The following GOLGA1 variants were observed in gnomAD, a reference collection of about 807,000 sequenced individuals.
GOLGA1 encodes golgin subfamily A member 1.
A neutral mutation model predicts 119.7 loss-of-function variants in GOLGA1; 63 were observed. That is an observed-to-expected ratio of 0.53 (90% CI 0.43 to 0.65). GOLGA1 has a LOEUF of 0.65. Among genes scored for constraint, GOLGA1 ranks in the 30% least tolerant of loss-of-function variants. The pLI is 0.00. For missense variants in GOLGA1, 798 were observed against 912.8 expected (o/e 0.87, Z 1.62); for synonymous variants, 318 against 333.4 (o/e 0.95, Z 0.50).
In GOLGA1 at chr9:124,888,020, T is replaced by G. The variant is rs1324823913; in HGVS notation, c.1905+233A>C. 6.6e-6 allele frequency among the ~76,000 whole-genome samples: 1 copy of G among 152,052 alleles called. No homozygotes were observed. ...ATGCAGGCTTGCAGCTGCCCAAGCC[T>G]GACACTTGTCCAGTTCTCCAGGGGG... On this transcript the variant is annotated intron_variant, in intron 19 of 22. Transcript: ENST00000373555. This position sits in a 1 kb window ranked among gnomAD's most constrained non-coding sequence, Gnocchi z 4.4.
intron 6 of GOLGA1, 61 bp downstream of exon 6, chr9:124,928,127 G>T (rs1325962722): frequency 4.2e-6 from 3 of 707,884 alleles, no homozygotes; most frequent in Admixed American, 2.7e-5. Flanking sequence ...CATGATTTTT[G>T]AAATCACGTC....
At chr9:124,911,144 T>C (rs1830332636) in intron 11 of GOLGA1, among the ~76,000 whole-genome samples, 1 of 152,206 alleles carries the variant, frequency 6.6e-6, no homozygotes, top group Admixed American at 6.5e-5. Context: ...AGGATCAGTT[T>C]GGCAGTGAGC....
At chr9:124,884,989 G>A (rs1829685129) in intron 19 of GOLGA1, among the ~76,000 whole-genome samples, 1 of 152,080 alleles carries the variant, frequency 6.6e-6, no homozygotes, top group Non-Finnish European at 1.5e-5. Flanking sequence ...AAGGTCAGGT[G>A]TTCCAGACCA....
At chr9:124,905,133 G>T (rs572580725) in intron 12 of GOLGA1, among the ~76,000 whole-genome samples, 2 of 147,720 alleles carry the variant, frequency 1.4e-5, no homozygotes, top group Admixed American at 6.8e-5. Context: ...GTGATACAGC[G>T]GGAGTCCATC....
chr9:124,927,847 G>A (rs1436998893), intron 6 of GOLGA1, among the ~76,000 whole-genome samples: 1 of 152,152 alleles, frequency 6.6e-6, no homozygotes, highest in East Asian at 1.9e-4. Flanking sequence ...AAAGGCAAAT[G>A]TTTGGGGGTT....
intron 12 of GOLGA1, among the ~76,000 whole-genome samples, chr9:124,901,715 A>G (rs145929337): frequency 2.6e-5 from 4 of 152,158 alleles, no homozygotes; most frequent in Admixed American, 6.5e-5. Flanking sequence ...AATTACAGGC[A>G]TGAGCCACCG....
chr9:124,911,503 G>C (rs1358981456), intron 11 of GOLGA1, among the ~76,000 whole-genome samples: 3 of 152,252 alleles, frequency 2.0e-5, no homozygotes, highest in Non-Finnish European at 2.9e-5. Flanking sequence ...TTGGGAAGGA[G>C]AGAATGCTGC....
chr9:124,947,379 T>C (rs1831162478), intron 1 of GOLGA1: 1 of 152,214 alleles, frequency 6.6e-6, no homozygotes, highest in African/African-American at 2.4e-5. Flanking sequence ...TTGCAGGTGA[T>C]TTTAAAGCTA....
chr9:124,881,727 A>G lies in GOLGA1; in HGVS notation c.2136+57T>C. On this transcript the variant is annotated intron_variant, in intron 21 of 22. Transcript: ENST00000373555. The surrounding 1 kb of genome is among the most constrained non-coding windows in gnomAD (Gnocchi z 4.9). ...AAAGGGGCTGGGCAGGGGTCCCTGCAGGACAGACTGTAGGGCGGGGCCTCA... is the reference window on the plus strand; with the variant it reads ...AAAGGGGCTGGGCAGGGGTCCCTGCGGGACAGACTGTAGGGCGGGGCCTCA... 1 of 1,212,734 alleles carries G rather than the reference A, an allele frequency of 8.2e-7. No homozygotes were observed. Among genetic ancestry groups the G allele is most frequent in the Non-Finnish European group, 1.2e-6 (1 of 842,810 alleles). The allele number at this position is 1,212,734 out of a possible 1,614,324, so 75.1% of individuals were successfully genotyped here.
intron 10 of GOLGA1, among the ~76,000 whole-genome samples, chr9:124,918,349 T>G (rs1156923694): frequency 6.6e-6 from 1 of 152,184 alleles, no homozygotes; most frequent in African/African-American, 2.4e-5. Flanking sequence ...GCCCAGCACA[T>G]AGTAAAGCTC....
Position 124,928,188 on chromosome 9 carries a change from C to T in GOLGA1, c.399G>A (p.Gln133=). The T allele has an allele frequency of 1.3e-6, 2 of 1,487,346 alleles. No individual in the cohort carries two copies. Among genetic ancestry groups the T allele is most frequent in the Non-Finnish European group, 1.9e-6 (2 of 1,069,004 alleles). The allele number at this position is 1,487,346 out of a possible 1,614,324, so 92.1% of individuals were successfully genotyped here. The change falls in exon 6 of 23, where the codon CAG becomes CAA. Residue 133 remains glutamine (Q), a splice_region_variant and synonymous_variant. Transcript: ENST00000373555. ...GLALALARKD[Q]EWSEKMDQLE... is the part of the protein sequence containing the mutation. Reference sequence around the variant, plus strand: ...CTGGGCAGTGCCACATATAAAATACCTGGTCCTTTCTGGCTAATGCCAAAG... The same window carrying T: ...CTGGGCAGTGCCACATATAAAATACTTGGTCCTTTCTGGCTAATGCCAAAG...
At position 124,931,109 on chromosome 9, in the gene GOLGA1, A is replaced by C. The variant is rs551896344; in HGVS notation, c.226+207T>G. Among the ~76,000 whole-genome samples, 6 of 152,266 alleles carry C rather than the reference A, an allele frequency of 3.9e-5. No individual in the cohort carries two copies. The South Asian group carries it at 1.0e-3, about 26-fold the overall frequency. ...GGCTAGAAACCTCAGGAGCAGAAAA[A>C]ATTTTTTAATAAACTTTCAAATTCA... is the stretch of plus-strand genomic sequence containing the variant. On this transcript the variant is annotated intron_variant, in intron 4 of 22. Coordinates refer to ENST00000373555, the MANE Select transcript of GOLGA1 (RefSeq NM_002077.4).
chr9:124,927,821 C>T (rs1350010242), intron 6 of GOLGA1, among the ~76,000 whole-genome samples: 1 of 152,172 alleles, frequency 6.6e-6, no homozygotes, highest in African/African-American at 2.4e-5. Flanking sequence ...AAGTTAATAA[C>T]ATCTTCTCCA....
At chr9:124,896,280 G>C (rs1829985410) in intron 15 of GOLGA1, among the ~76,000 whole-genome samples, 1 of 152,158 alleles carries the variant, frequency 6.6e-6, no homozygotes, top group South Asian at 2.1e-4. Flanking sequence ...CAGGCATGGT[G>C]GCACGTGCCT....
chr9:124,938,742 C>G lies in GOLGA1; in HGVS notation c.-31G>C, dbSNP rs768941334. The G allele has an allele frequency of 1.9e-6, 3 of 1,598,590 alleles. No individual in the cohort carries two copies. On this transcript the variant is annotated 5_prime_UTR_variant, in exon 3 of 23. Transcript: ENST00000373555. ...CTGTGTGGCTATCCTGCACAGATGA[C>G]GAGCTCTCAGTAGTCCTGGTGCCTG... is the stretch of plus-strand genomic sequence containing the variant.
At chr9:124,941,187 T>G (rs1191354164), upstream of GOLGA1, 1 of 152,226 alleles carries the variant, frequency 6.6e-6, no homozygotes, top group Non-Finnish European at 1.5e-5. Flanking sequence ...TGTTACCACC[T>G]CTGAGCGGCG....
At chr9:124,912,094 G>A (rs41309946) in intron 10 of GOLGA1, 68 bp from the exon 11 acceptor site, 591 of 1,447,066 alleles carry the variant, frequency 4.1e-4, no homozygotes, top group Non-Finnish European at 5.2e-4. Flanking sequence ...CTTTCTTTTG[G>A]GCCATCACAT....
intron 11 of GOLGA1, among the ~76,000 whole-genome samples, chr9:124,908,743 G>A (rs628448): frequency 0.34 from 51,853 of 152,118 alleles, 9,518 homozygotes; most frequent in Middle Eastern, 0.46. Context: ...GAAGCACAGG[G>A]TGGGAGATAC....
intron 12 of GOLGA1, among the ~76,000 whole-genome samples, chr9:124,903,931 C>T (rs946362402): frequency 1.3e-5 from 2 of 151,756 alleles, no homozygotes; most frequent in African/African-American, 4.8e-5. Flanking sequence ...TGCCTGTAGG[C>T]GCGCGCCTGT....
Sources: gnomAD v4.1 joint callset for allele counts (sites outside exome capture counted in the v4.1 genomes callset) on GRCh38, gnomAD v4.1.1 for gene constraint, Gnocchi (gnomAD v3.1) non-coding constraint, MANE v1.5 for transcripts, NCBI Gene and HGNC (gene_info 2026-07-23, HGNC 2026-07-21) for gene names.